Variants in ATAD2B observed in about 807,000 individuals in gnomAD.
ATAD2B encodes ATPase family AAA domain-containing protein 2B.
In ATAD2B, 40 loss-of-function variants were observed where a neutral mutation model predicts 167.6. The observed-to-expected ratio is 0.24, with a 90% CI of 0.19 to 0.31. The LOEUF (loss-of-function observed/expected upper bound fraction) is 0.31. ATAD2B is among the 10% of genes least tolerant of loss of function. The pLI, the probability that ATAD2B is intolerant of heterozygous loss-of-function variation, is 1.00. For missense variants in ATAD2B, 1,242 were observed against 1,757.2 expected (o/e 0.71, Z 5.24); for synonymous variants, 579 against 596.5 (o/e 0.97, Z 0.43).
rs544663759 is a variant in ATAD2B at position 23,807,350 on chromosome 2, C to T, written c.2454+2966G>A. Among the ~76,000 whole-genome samples the T allele has an allele frequency of 6.6e-5, 10 of 152,232 alleles. No homozygotes were observed. In the South Asian group the frequency reaches 8.3e-4, roughly 13 times the overall value. The stretch of plus-strand genomic sequence containing the variant: ...TGAACGCTCAACAGATTTTTAACTG[C>T]CCAATCAAATACATTTGAAATTTAT... On this transcript the variant is annotated intron_variant, in intron 18 of 27. Coordinates refer to ENST00000238789, the MANE Select transcript of ATAD2B (RefSeq NM_017552.4).
At chr2:23,904,769 A>C (rs1276072357) in intron 1 of ATAD2B, among the ~76,000 whole-genome samples, 2 of 152,170 alleles carry the variant, frequency 1.3e-5, no homozygotes, top group African/African-American at 4.8e-5. Context: ...CTTTTTGTAT[A>C]CTTTTTTTCT....
chr2:23,814,664 T>C (rs1007130277), intron 17 of ATAD2B, among the ~76,000 whole-genome samples: 23 of 151,804 alleles, frequency 1.5e-4, no homozygotes, highest in African/African-American at 5.6e-4. Flanking sequence ...TGGGGACAAG[T>C]TGTGGAGGGT....
At chr2:23,860,693 G>A (rs1379414134) in intron 12 of ATAD2B, among the ~76,000 whole-genome samples, 1 of 152,180 alleles carries the variant, frequency 6.6e-6, no homozygotes, top group Non-Finnish European at 1.5e-5. Flanking sequence ...AATTCAGGCT[G>A]AGCATGGTAA....
intron 16 of ATAD2B, among the ~76,000 whole-genome samples, chr2:23,822,658 G>A (rs1251971178): frequency 1.3e-5 from 2 of 149,960 alleles, no homozygotes; most frequent in Non-Finnish European, 1.5e-5. Flanking sequence ...GCTCACGCCT[G>A]TAATCCCAGC....
intron 24 of ATAD2B, 131 bp from the exon 25 acceptor site, chr2:23,758,232 T>C (rs1676181345): frequency 3.0e-6 from 2 of 674,926 alleles, no homozygotes; most frequent in Non-Finnish European, 4.8e-6. Flanking sequence ...ACTTAGCTCT[T>C]GACATTCATG....
intron 9 of ATAD2B, among the ~76,000 whole-genome samples, chr2:23,869,042 T>A (rs1478120524): frequency 6.6e-6 from 1 of 152,222 alleles, no homozygotes; most frequent in African/African-American, 2.4e-5. Context: ...GTACACTATC[T>A]AACTGATCCA....
intron 8 of ATAD2B, chr2:23,872,920 G>A (rs1037625636): frequency 3.4e-5 from 26 of 768,514 alleles, no homozygotes; most frequent in East Asian, 7.4e-5. Context: ...ATGGCCCGCC[G>A]GGCTCACATT....
intron 7 of ATAD2B, among the ~76,000 whole-genome samples, 175 bp from the exon 8 acceptor site, chr2:23,876,079 T>C (rs2150151544): frequency 6.6e-6 from 1 of 152,082 alleles, no homozygotes; most frequent in South Asian, 2.1e-4. Flanking sequence ...CTGCAACCTC[T>C]CCCTCCTAAG....
At chr2:23,805,588 C>T (rs904835802) in intron 18 of ATAD2B, among the ~76,000 whole-genome samples, 2 of 152,108 alleles carry the variant, frequency 1.3e-5, no homozygotes, top group African/African-American at 2.4e-5. Flanking sequence ...TTGTAGCTAA[C>T]GTATCTTTAG....
At position 23,895,331 on chromosome 2, in the gene ATAD2B, G is replaced by T. The variant is rs531078255; in HGVS notation, c.368+488C>A. Among the ~76,000 whole-genome samples the T allele has an allele frequency of 2.6e-5, 4 of 151,926 alleles. No individual in the cohort carries two copies. In the South Asian group the frequency reaches 6.2e-4, roughly 24 times the overall value. On this transcript the variant is annotated intron_variant, in intron 2 of 27. Coordinates refer to ENST00000238789, the MANE Select transcript of ATAD2B (RefSeq NM_017552.4). ...AGAGTAAATGTCGGTAATTTACTAT[G>T]AAACTGACTAAAATTAAGTTTTCTT...
At chr2:23,729,986 T>TA in the ATAD2B span, among the ~76,000 whole-genome samples, 2 of 152,158 alleles carry the variant, frequency 1.3e-5, no homozygotes, top group Admixed American at 6.5e-5. Context: ...GTAACTGGTA[T>TA]AAGTAGACAG....
chr2:23,693,190 T>A, the ATAD2B span: 5 of 1,470,736 alleles, frequency 3.4e-6, no homozygotes, highest in Middle Eastern at 2.4e-4. Context: ...CAGAGAAGGA[T>A]CTAGGGTGAC....
intron 13 of ATAD2B, among the ~76,000 whole-genome samples, chr2:23,850,743 C>T (rs1558656451): frequency 6.6e-6 from 1 of 152,198 alleles, no homozygotes; most frequent in Non-Finnish European, 1.5e-5. Flanking sequence ...AGAGCAGATA[C>T]GTGTCATTAC....
chr2:23,900,320 G>C (rs958007353), intron 1 of ATAD2B, among the ~76,000 whole-genome samples: 1 of 151,930 alleles, frequency 6.6e-6, no homozygotes, highest in Non-Finnish European at 1.5e-5. Context: ...TCCCACCTCG[G>C]CCCCACAAAG....
rs1461418553 is a variant in ATAD2B, at chr2:23,751,148, A to G, written c.*898T>C. On this transcript the variant is annotated 3_prime_UTR_variant, in exon 28 of 28. Transcript: ENST00000238789. ...GCCACTATCTATTTATTTTCTAGTCATCATTGTTGGCAATACCAAAACGTG... is the reference window on the plus strand; with the variant it reads ...GCCACTATCTATTTATTTTCTAGTCGTCATTGTTGGCAATACCAAAACGTG... The G allele has an allele frequency of 6.6e-6, 1 of 152,140 alleles. No homozygotes were observed. The highest frequency in any genetic ancestry group is 2.4e-5 in the African/African-American group (1 of 41,438). The allele number at this position is 152,140 out of a possible 1,614,324, so 9.4% of individuals were successfully genotyped here. A position where few individuals can be genotyped will look rare whatever the true frequency, so the allele number is the denominator to read the frequency against.
At chr2:23,682,224 C>A in the ATAD2B span, among the ~76,000 whole-genome samples, 1 of 152,172 alleles carries the variant, frequency 6.6e-6, no homozygotes, top group East Asian at 1.9e-4. The surrounding 1 kb of genome is among the most constrained non-coding windows in gnomAD (Gnocchi z 4.1). Context: ...TCGGAAAGAC[C>A]GTCACCATCA....
chr2:23,777,348 A>ATATCTATATC (rs1553380260), intron 22 of ATAD2B, among the ~76,000 whole-genome samples: 2 of 146,226 alleles, frequency 1.4e-5, no homozygotes, highest in African/African-American at 2.5e-5. Context: ...CATAATACTG[A>ATATCTATATC]TATATCTATA....
At chr2:23,880,896 A>C in intron 6 of ATAD2B, 141 bp from the exon 7 acceptor site, 2 of 595,868 alleles carry the variant, frequency 3.4e-6, no homozygotes, top group Non-Finnish European at 5.8e-6. Context: ...TATTACGTAA[A>C]GCATACATAA....
the ATAD2B span, among the ~76,000 whole-genome samples, chr2:23,685,870 C>T: frequency 6.6e-5 from 10 of 152,286 alleles, no homozygotes; most frequent in East Asian, 1.9e-4. Context: ...CATGGATGAG[C>T]GTCCTAGGGT....
Sources: allele counts gnomAD v4.1 joint callset (sites outside exome capture counted in the v4.1 genomes callset), GRCh38; gene constraint gnomAD v4.1.1; non-coding constraint Gnocchi (gnomAD v3.1); transcripts MANE v1.5; gene names NCBI Gene and HGNC (gene_info 2026-07-23, HGNC 2026-07-21).